The following UNC79 variants were observed in gnomAD, a reference collection of about 807,000 sequenced individuals.
The protein encoded by UNC79 is protein unc-79 homolog.
Under a neutral mutation model 283.1 loss-of-function variants are expected in UNC79, and 37 were observed. The ratio of observed to expected loss-of-function variants is 0.13; its 90% CI spans 0.10 to 0.17. The LOEUF (loss-of-function observed/expected upper bound fraction) is 0.17. Ranked by LOEUF, UNC79 falls within the 10% of genes least tolerant of loss-of-function variation. The pLI is 1.00. For missense variants in UNC79, 2,272 were observed against 3,211.1 expected (o/e 0.71, Z 7.07); for synonymous variants, 1,107 against 1,200.2 (o/e 0.92, Z 1.61).
intron 1 of UNC79, among the ~76,000 whole-genome samples, chr14:93,411,549 C>A (rs1269695331): frequency 6.6e-6 from 1 of 152,220 alleles, no homozygotes; most frequent in Admixed American, 6.5e-5. Context: ...ACAGTGGGGG[C>A]TTGTGTCACT....
At chr14:93,439,449 G>C (rs1251835423) in intron 1 of UNC79, among the ~76,000 whole-genome samples, 1 of 151,792 alleles carries the variant, frequency 6.6e-6, no homozygotes, top group Non-Finnish European at 1.5e-5. Flanking sequence ...AGACCATATT[G>C]CTTCCTCTCT....
intron 13 of UNC79, among the ~76,000 whole-genome samples, chr14:93,541,586 A>G (rs577377166): frequency 2.6e-5 from 4 of 152,342 alleles, no homozygotes; most frequent in South Asian, 4.1e-4. Context: ...TAATGACACA[A>G]TGGCTACTGC....
chr14:93,376,228 G>T (rs531922973), intron 1 of UNC79, among the ~76,000 whole-genome samples: 1 of 152,192 alleles, frequency 6.6e-6, no homozygotes, highest in East Asian at 1.9e-4. Flanking sequence ...ATAACCAGAG[G>T]CACTTAATAT....
At chr14:93,532,948 G>T (rs953844564) in intron 11 of UNC79, among the ~76,000 whole-genome samples, 1 of 152,130 alleles carries the variant, frequency 6.6e-6, no homozygotes, top group African/African-American at 2.4e-5. Context: ...TTTTGAAGTG[G>T]AGTGCAAATA....
At chr14:93,561,278 G>A (rs567053432) in intron 14 of UNC79, among the ~76,000 whole-genome samples, 3 of 152,290 alleles carry the variant, frequency 2.0e-5, no homozygotes, top group African/African-American at 7.2e-5. Context: ...AGTTTTTGTT[G>A]TGAGGGGTCC....
At chr14:93,418,014 C>A (rs531145454) in intron 1 of UNC79, among the ~76,000 whole-genome samples, 4 of 151,970 alleles carry the variant, frequency 2.6e-5, no homozygotes, top group African/African-American at 9.6e-5. Flanking sequence ...AGCCTTCTCT[C>A]AACTCGTCAA....
chr14:93,621,849 C>A lies in UNC79; in HGVS notation c.4616C>A (p.Ala1539Glu). The change falls in exon 30 of 49, where the codon GCA (alanine) becomes GAA (glutamate). Residue 1539 changes from alanine (A) to glutamate (E), a missense_variant. Around this residue, in one of 11 missense-constraint regions of UNC79, gnomAD observed 580 missense variants for 632.2 expected, o/e 0.92. Transcript: ENST00000555664. This position sits in a 1 kb window ranked among gnomAD's most constrained non-coding sequence, Gnocchi z 4.8. ...CCTCCGACCCAAGCTGCGTATATCG[C>A]ACAAAGACCAAACGACCCTGGACGT... 6.2e-7 allele frequency: 1 copy of A among 1,613,228 alleles called. No individual in the cohort carries two copies.
intron 1 of UNC79, among the ~76,000 whole-genome samples, chr14:93,348,657 TCTC>T (rs1363366602): frequency 7.2e-5 from 11 of 152,296 alleles, no homozygotes; most frequent in Admixed American, 4.6e-4. Context: ...AATGAGTACA[TCTC>T]CTATTTTAAT....
chr14:93,389,691 G>A (rs879552553), intron 1 of UNC79, among the ~76,000 whole-genome samples: 20 of 149,502 alleles, frequency 1.3e-4, no homozygotes, highest in Admixed American at 4.0e-4. Flanking sequence ...TCACTCTGCC[G>A]CCCAAGCTGG....
At chr14:93,473,475 T>TA (rs896933182) in intron 2 of UNC79, among the ~76,000 whole-genome samples, 1 of 152,236 alleles carries the variant, frequency 6.6e-6, no homozygotes, top group African/African-American at 2.4e-5. Context: ...TATGCCTGTT[T>TA]AAACTTCATT....
rs1037707425 is a variant in UNC79 at position 93,511,330 on chromosome 14, T to C, written c.899-12648T>C. 5.3e-5 allele frequency among the ~76,000 whole-genome samples: 8 copies of C among 152,348 alleles called. No individual in the cohort carries two copies. The East Asian group carries it at 7.7e-4, about 15-fold the overall frequency. On this transcript the variant is annotated intron_variant, in intron 7 of 48. Transcript: ENST00000555664. The stretch of plus-strand genomic sequence containing the variant: ...CCTAACTTGAGGGAATATTTCACCA[T>C]TAAGCATGCTATTAGCTGTAGGGTT...
intron 40 of UNC79, among the ~76,000 whole-genome samples, chr14:93,666,276 C>A (rs560962998): frequency 6.6e-6 from 1 of 152,006 alleles, no homozygotes; most frequent in South Asian, 2.1e-4. Flanking sequence ...AAAAGAGAAG[C>A]ATAGAACAAG....
At chr14:93,553,671 A>G (rs1039027478) in intron 14 of UNC79, among the ~76,000 whole-genome samples, 1 of 152,254 alleles carries the variant, frequency 6.6e-6, no homozygotes, top group Non-Finnish European at 1.5e-5. Context: ...ATACTTAGGC[A>G]TATCAGAATC....
chr14:93,429,307 G>GT (rs907621565), upstream of UNC79, among the ~76,000 whole-genome samples: 7 of 152,130 alleles, frequency 4.6e-5, no homozygotes, highest in African/African-American at 1.7e-4. Context: ...TTGGGATGTG[G>GT]TTTTGGGAAT....
intron 1 of UNC79, among the ~76,000 whole-genome samples, chr14:93,411,775 A>T (rs2055340514): frequency 6.6e-6 from 1 of 152,238 alleles, no homozygotes; most frequent in Non-Finnish European, 1.5e-5. Flanking sequence ...TTAGATCACA[A>T]CACTCAAGTC....
intron 3 of UNC79, among the ~76,000 whole-genome samples, chr14:93,475,574 TCTG>T (rs199882756): frequency 0.014 from 2,076 of 152,196 alleles, 57 homozygotes; most frequent in African/African-American, 0.048. Flanking sequence ...TCTAGCCACT[TCTG>T]CTGTGATCCT....
upstream of UNC79, among the ~76,000 whole-genome samples, chr14:93,427,856 A>G (rs1453428642): frequency 6.6e-6 from 1 of 152,200 alleles, no homozygotes; most frequent in Non-Finnish European, 1.5e-5. Context: ...AAGTAAAACA[A>G]TGCAACATGA....
chr14:93,539,761 T>A (rs2061289075), intron 12 of UNC79, among the ~76,000 whole-genome samples: 1 of 152,192 alleles, frequency 6.6e-6, no homozygotes, highest in Non-Finnish European at 1.5e-5. Context: ...TAAATGTATG[T>A]TTCATTTCTA....
At chr14:93,390,307 A>C (rs898214627) in intron 1 of UNC79, among the ~76,000 whole-genome samples, 2 of 152,340 alleles carry the variant, frequency 1.3e-5, no homozygotes, top group East Asian at 3.9e-4. Flanking sequence ...TAATAATATA[A>C]GAGAATATCC....
Sources: gnomAD v4.1 joint callset for allele counts (sites outside exome capture counted in the v4.1 genomes callset) on GRCh38, gnomAD v4.1.1 for gene constraint, gnomAD v4.1.1 regional missense constraint, Gnocchi (gnomAD v3.1) non-coding constraint, MANE v1.5 for transcripts, NCBI Gene and HGNC (gene_info 2026-07-23, HGNC 2026-07-21) for gene names.